ACSL5: variants seen among roughly 807,000 people sequenced by gnomAD.
ACSL5 encodes acyl-CoA synthetase long chain family member 5.
Under a neutral mutation model 84.9 loss-of-function variants are expected in ACSL5, and 50 were observed. That is an observed-to-expected ratio of 0.59 (90% CI 0.47 to 0.75). ACSL5 has a LOEUF of 0.75. Ranked by LOEUF, ACSL5 falls within the 30% of genes least tolerant of loss-of-function variation. ACSL5 has a pLI of 0.00. For missense variants in ACSL5, 775 were observed against 830.4 expected (o/e 0.93, Z 0.82); for synonymous variants, 280 against 300.7 (o/e 0.93, Z 0.71).
chr10:112,387,740 G>C (rs1001408672), intron 1 of ACSL5, among the ~76,000 whole-genome samples: 1 of 152,068 alleles, frequency 6.6e-6, no homozygotes, highest in Non-Finnish European at 1.5e-5. Flanking sequence ...GAGGATGCTG[G>C]TCTCCTTTTT....
chr10:112,411,792 A>G (rs747621678), intron 10 of ACSL5, 110 bp from the exon 11 acceptor site: 3 of 1,049,488 alleles, frequency 2.9e-6, no homozygotes, highest in South Asian at 1.4e-5. Flanking sequence ...TGTACCGCCT[A>G]TACAGCTGTC....
At chr10:112,410,064 C>A in intron 7 of ACSL5, 1 of 417,080 alleles carries the variant, frequency 2.4e-6, no homozygotes, top group Non-Finnish European at 3.2e-6. Flanking sequence ...TAAAAATAAT[C>A]ACTACCTCAC....
At position 112,422,318 on chromosome 10, in the gene ACSL5, T is replaced by C. The variant is rs1234923915; in HGVS notation, c.1477-7T>C. On this transcript the variant is annotated splice_polypyrimidine_tract_variant and splice_region_variant and intron_variant, in intron 16 of 20. Coordinates refer to ENST00000354655, the MANE Select transcript of ACSL5 (RefSeq NM_203379.2). ...TATTGTCACCGCCTTGTATGTCTGCTGTGCAGGTCTGCATCAAGGGTACAA... is the reference window on the plus strand; with the variant it reads ...TATTGTCACCGCCTTGTATGTCTGCCGTGCAGGTCTGCATCAAGGGTACAA... 4 of 1,610,518 alleles carry C rather than the reference T, an allele frequency of 2.5e-6. No homozygotes were observed. The highest frequency in any genetic ancestry group is 3.4e-6 in the Non-Finnish European group (4 of 1,177,800).
Position 112,409,387 on chromosome 10 carries a change from G to T in ACSL5, c.533-120G>T, listed in dbSNP as rs75741846. On this transcript the variant is annotated intron_variant, in intron 6 of 20. Coordinates refer to ENST00000354655, the MANE Select transcript of ACSL5 (RefSeq NM_203379.2). The stretch of plus-strand genomic sequence containing the variant: ...TGTACATTATAAATCTGATTTGCAG[G>T]TGTAATCTCCTTTGGACACCTGTTA... 5.4e-3 allele frequency: 4,188 copies of T among 771,838 alleles called. 138 individuals are homozygous for T. In the African/African-American group the frequency reaches 0.066, roughly 12 times the overall value. 47.8% of individuals were successfully genotyped at this position (771,838 alleles called of 1,614,324 possible).
chr10:112,376,747 C>G (rs971335655), intron 1 of ACSL5, among the ~76,000 whole-genome samples: 2 of 152,072 alleles, frequency 1.3e-5, no homozygotes, highest in African/African-American at 4.8e-5. Context: ...GTCTGAGCAT[C>G]CAGCATAGCT....
chr10:112,399,061 C>A, intron 3 of ACSL5, 52 bp downstream of exon 3: 1 of 1,454,446 alleles, frequency 6.9e-7, no homozygotes, highest in Non-Finnish European at 9.6e-7. Context: ...AGGTCTGTGG[C>A]CCATCTCTCT....
At chr10:112,418,452 GGCGCCTGTAGTCCCA>G (rs1844369326) in intron 14 of ACSL5, among the ~76,000 whole-genome samples, 1 of 152,028 alleles carries the variant, frequency 6.6e-6, no homozygotes, top group Non-Finnish European at 1.5e-5. Flanking sequence ...CGTGGTGGTG[GGCGCCTGTAGTCCCA>G]GCTACTCGGG....
chr10:112,413,796 G>A (rs11195952), intron 12 of ACSL5, among the ~76,000 whole-genome samples: 12,804 of 152,176 alleles, frequency 0.084, 668 homozygotes, highest in Non-Finnish European at 0.11. Context: ...TGGATAAGAT[G>A]ACTTGGACCT....
At position 112,404,726 on chromosome 10, in the gene ACSL5, C is replaced by T; in HGVS notation, c.352C>T (p.Leu118=). The T allele has an allele frequency of 3.1e-6, 5 of 1,613,994 alleles. No homozygotes were observed. Among genetic ancestry groups the T allele is most frequent in the Non-Finnish European group, 4.2e-6 (5 of 1,179,924 alleles). Residue 118 remains leucine, a synonymous_variant, in exon 5 of 21, where the codon CTG becomes TTG. Coordinates refer to ENST00000354655, the MANE Select transcript of ACSL5 (RefSeq NM_203379.2). ...GTAGGTGTCTGATAGAGCAGAGTAC[C>T]TGGGTTCCTGTCTCTTGCATAAAGG... The part of the protein sequence containing the change: ...YKQVSDRAEY[L]GSCLLHKGYK...
At chr10:112,414,999 G>A (rs552681624) in intron 12 of ACSL5, among the ~76,000 whole-genome samples, 6 of 152,230 alleles carry the variant, frequency 3.9e-5, no homozygotes, top group Admixed American at 3.9e-4. Context: ...AATGGGCTCT[G>A]GTGACAGGGC....
chr10:112,395,113 A>C lies in ACSL5; in HGVS notation c.156+11A>C. The C allele has an allele frequency of 6.2e-7, 1 of 1,609,234 alleles. No individual in the cohort carries two copies. The highest frequency in any genetic ancestry group is 8.5e-7 in the Non-Finnish European group (1 of 1,176,392). The stretch of plus-strand genomic sequence containing the variant: ...TCTGTGGGAATTGAGGTAATTTACC[A>C]GTCATCCTTTTAGTTTGTCAACCTT... On this transcript the variant is annotated intron_variant, in intron 2 of 20. Transcript: ENST00000354655.
Position 112,428,307 on chromosome 10 carries a change from C to A in ACSL5, c.*949C>A. ...CCTTGGATTAGAGTTCCTGCTCTACCTTACCCACAGATAACACATGTTGTT... is the reference window on the plus strand; with the variant it reads ...CCTTGGATTAGAGTTCCTGCTCTACATTACCCACAGATAACACATGTTGTT... On this transcript the variant is annotated 3_prime_UTR_variant, in exon 21 of 21. Transcript: ENST00000354655. 1 of 395,242 alleles carries A rather than the reference C, an allele frequency of 2.5e-6. No individual in the cohort carries two copies. 24.5% of individuals were successfully genotyped at this position (395,242 alleles called of 1,614,324 possible). A position where few individuals can be genotyped will look rare whatever the true frequency, so the allele number is the denominator to read the frequency against.
chr10:112,384,378 A>T (rs190047700), intron 1 of ACSL5, among the ~76,000 whole-genome samples: 7 of 152,340 alleles, frequency 4.6e-5, no homozygotes, highest in African/African-American at 1.7e-4. Context: ...CACCTGGAAC[A>T]ATGCAACATA....
At chr10:112,413,454 G>T in intron 12 of ACSL5, 147 bp downstream of exon 12, 1 of 1,098,732 alleles carries the variant, frequency 9.1e-7, no homozygotes, top group East Asian at 2.5e-5. Context: ...CGCCAGGTGT[G>T]GTGGCTCACT....
Position 112,426,862 on chromosome 10 carries a change from G to T in ACSL5, c.1911+3G>T, listed in dbSNP as rs1187721907. The T allele has an allele frequency of 1.2e-6, 2 of 1,609,500 alleles. No homozygotes were observed. The highest frequency in any genetic ancestry group is 2.2e-5 in the East Asian group (1 of 44,838). Reference sequence around the variant, plus strand: ...GTGGCCTTAAAACTTTTGAACAGGTGTGTGCTACCACTGATGTTATACTGG... The same window carrying T: ...GTGGCCTTAAAACTTTTGAACAGGTTTGTGCTACCACTGATGTTATACTGG... On this transcript the variant is annotated splice_donor_region_variant and intron_variant, in intron 20 of 20. Coordinates refer to ENST00000354655, the MANE Select transcript of ACSL5 (RefSeq NM_203379.2).
intron 12 of ACSL5, among the ~76,000 whole-genome samples, chr10:112,414,352 C>CTTTTTT (rs34464188): frequency 3.5e-5 from 3 of 85,504 alleles, no homozygotes; most frequent in African/African-American, 4.6e-5. Flanking sequence ...TTCAGTGATT[C>CTTTTTT]TTTTTTTTTT....
At chr10:112,423,372 A>T (rs528161001) in intron 17 of ACSL5, among the ~76,000 whole-genome samples, 4 of 149,660 alleles carry the variant, frequency 2.7e-5, no homozygotes, top group African/African-American at 9.8e-5. Flanking sequence ...TTAAAAAAAA[A>T]TTTTTATAGA....
chr10:112,420,107 A>G (rs550061303), intron 14 of ACSL5: 1 of 152,260 alleles, frequency 6.6e-6, no homozygotes, highest in Non-Finnish European at 1.5e-5. Context: ...CCTTCAAATT[A>G]GCATCCTCTT....
At chr10:112,381,381 G>A (rs980263217) in intron 1 of ACSL5, among the ~76,000 whole-genome samples, 5 of 152,124 alleles carry the variant, frequency 3.3e-5, no homozygotes, top group Non-Finnish European at 5.9e-5. Context: ...GAAAATAAAC[G>A]TATAGGCTGG....
Sources: allele counts gnomAD v4.1 joint callset (sites outside exome capture counted in the v4.1 genomes callset), GRCh38; gene constraint gnomAD v4.1.1; transcripts MANE v1.5; gene names NCBI Gene and HGNC (gene_info 2026-07-23, HGNC 2026-07-21).